F11: variants seen among roughly 807,000 people sequenced by gnomAD.
F11 encodes coagulation factor XI.
Under a neutral mutation model 76.5 loss-of-function variants are expected in F11, and 78 were observed. That is an observed-to-expected ratio of 1.02 (90% CI 0.85 to 1.23). F11 has a LOEUF of 1.23. Among genes scored for constraint, F11 ranks in the 50% most tolerant of loss-of-function variants. The probability of loss-of-function intolerance (pLI) is 0.00; values close to 1 mark genes in which losing one functional copy is unlikely to be tolerated. For synonymous variants in F11, 278 were observed against 276.3 expected, an observed-to-expected ratio of 1.01 and a Z score of -0.06; for missense variants, 742 against 771.4, an observed-to-expected ratio of 0.96 and a Z score of 0.45.
chr4:186,288,795 A>G lies in F11; in HGVS notation c.*181A>G, dbSNP rs559842894. 127 of 679,126 alleles carry G rather than the reference A, an allele frequency of 1.9e-4. No homozygotes were observed. The highest frequency in any genetic ancestry group is 1.5e-3 in the African/African-American group (86 of 56,252). 42.1% of individuals were successfully genotyped at this position (679,126 alleles called of 1,614,324 possible). On this transcript the variant is annotated 3_prime_UTR_variant, in exon 15 of 15. Transcript: ENST00000403665. The stretch of plus-strand genomic sequence containing the variant: ...TTGTTATGTCCAAAACTCCCGTTCT[A>G]TGATCGTTGTAGTTTGTTTGAGCAT...
At chr4:186,275,763 C>T (rs747253590) in intron 5 of F11, 24 bp from the exon 6 acceptor site, 2 of 1,541,390 alleles carry the variant, frequency 1.3e-6, no homozygotes, top group African/African-American at 1.4e-5. Flanking sequence ...GAATAAGACA[C>T]TTTTCCTTTT....
chr4:186,286,798 A>C, intron 13 of F11: 3 of 812,028 alleles, frequency 3.7e-6, no homozygotes, highest in Non-Finnish European at 4.5e-6. Flanking sequence ...CTATCCAATT[A>C]CTTTCTTGGG....
Position 186,280,057 on chromosome 4 carries a change from A to T in F11, c.801A>T (p.Thr267=), listed in dbSNP as rs5974. The T allele has an allele frequency of 4.3e-6, 7 of 1,613,980 alleles. No homozygotes were observed. Among genetic ancestry groups the T allele is most frequent in the Non-Finnish European group, 5.9e-6 (7 of 1,179,942 alleles). ...LKTSESGLPS[T]RIKKSKALSG... The stretch of plus-strand genomic sequence containing the variant: ...CATCTGAGAGTGGATTGCCCAGTAC[A>T]CGCATTAAAAAGAGCAAAGCTCTTT... Residue 267 remains threonine, a synonymous_variant, in exon 8 of 15, where the codon ACA becomes ACT. Transcript: ENST00000403665.
intron 7 of F11, among the ~76,000 whole-genome samples, chr4:186,279,536 C>T (rs1740626644): frequency 6.6e-6 from 1 of 152,178 alleles, no homozygotes; most frequent in African/African-American, 2.4e-5. Flanking sequence ...GATCTATGGA[C>T]AGTCTTGCTC....
In F11 at chr4:186,273,054, A is replaced by AT. The variant is rs1483932983; in HGVS notation, c.219-11dup. 6 of 1,525,606 alleles carry AT rather than the reference A, an allele frequency of 3.9e-6. No individual in the cohort carries two copies. Among genetic ancestry groups the AT allele is most frequent in the African/African-American group, 2.8e-5 (2 of 72,534 alleles). The allele number at this position is 1,525,606 out of a possible 1,614,324, so 94.5% of individuals were successfully genotyped here. A position where few individuals can be genotyped will look rare whatever the true frequency, so the allele number is the denominator to read the frequency against. On this transcript the variant is annotated splice_polypyrimidine_tract_variant and intron_variant, in intron 3 of 14. Coordinates refer to ENST00000403665, the MANE Select transcript of F11 (RefSeq NM_000128.4). Reference sequence around the variant, plus strand: ...CATAAATTCCTATTCATTAATATGTATTTTTTAAAAAAACAGGTTTACTTG... The same window carrying AT: ...CATAAATTCCTATTCATTAATATGTATTTTTTTAAAAAAACAGGTTTACTTG...
chr4:186,281,101 C>T (rs4253847), intron 10 of F11, among the ~76,000 whole-genome samples: 4,514 of 152,158 alleles, frequency 0.03, 214 homozygotes, highest in African/African-American at 0.1. Flanking sequence ...AAGCAATCCT[C>T]CCGCTTTGGC....
chr4:186,275,696 C>T (rs1054402231), intron 5 of F11, 91 bp from the exon 6 acceptor site: 2 of 939,938 alleles, frequency 2.1e-6, no homozygotes, highest in Non-Finnish European at 3.3e-6. Context: ...CTCGCAGGTC[C>T]TCTCTCCAAA....
At chr4:186,279,125 C>T (rs1330305765) in intron 7 of F11, among the ~76,000 whole-genome samples, 1 of 152,196 alleles carries the variant, frequency 6.6e-6, no homozygotes, top group Non-Finnish European at 1.5e-5. Flanking sequence ...TGGCTCACGC[C>T]TGTAATCCCA....
Position 186,288,987 on chromosome 4 carries a change from C to T in F11, c.*373C>T, listed in dbSNP as rs556731181. 2 of 271,874 alleles carry T rather than the reference C, an allele frequency of 7.4e-6. No individual in the cohort carries two copies. Among genetic ancestry groups the T allele is most frequent in the Non-Finnish European group, 1.4e-5 (2 of 139,096 alleles). The allele number at this position is 271,874 out of a possible 1,614,324, so 16.8% of individuals were successfully genotyped here. A position where few individuals can be genotyped will look rare whatever the true frequency, so the allele number is the denominator to read the frequency against. On this transcript the variant is annotated 3_prime_UTR_variant, in exon 15 of 15. Transcript: ENST00000403665. Reference sequence around the variant, plus strand: ...AGAAGCCACCATAAATAGATTTGTTCGATGAAAGATGAAAACTGGAAGAAA... The same window carrying T: ...AGAAGCCACCATAAATAGATTTGTTTGATGAAAGATGAAAACTGGAAGAAA...
In F11 at chr4:186,280,572, T is replaced by C. The variant is rs1226426769; in HGVS notation, c.1127T>C (p.Met376Thr). 14 of 1,609,436 alleles carry C rather than the reference T, an allele frequency of 8.7e-6. No homozygotes were observed. Among genetic ancestry groups the C allele is most frequent in the Admixed American group, 3.3e-5 (2 of 60,018 alleles). Residue 376 changes from methionine to threonine, a missense_variant, in exon 10 of 15, where the codon ATG becomes ACG. Transcript: ENST00000403665. ...GGATACACATTAAGGTTGTGTAAAATGGATAATGGTGAGTATAATGTCACT... is the reference window on the plus strand; with the variant it reads ...GGATACACATTAAGGTTGTGTAAAACGGATAATGGTGAGTATAATGTCACT... ...ISGYTLRLCK[M>T]DNECTTKIKP... is the part of the protein sequence containing the mutation.
chr4:186,277,215 G>T (rs1421060278), intron 7 of F11, among the ~76,000 whole-genome samples: 1 of 152,128 alleles, frequency 6.6e-6, no homozygotes, highest in African/African-American at 2.4e-5. Context: ...TTCTATCCAT[G>T]TTGCTGCAAA....
chr4:186,269,071 A>G (rs1250990324), intron 2 of F11, among the ~76,000 whole-genome samples: 1 of 152,220 alleles, frequency 6.6e-6, no homozygotes, highest in Non-Finnish European at 1.5e-5. Context: ...CAGGTCTTTT[A>G]TCTTATGAAC....
rs770081626 is a variant in F11, at chr4:186,280,539, G to A, written c.1094G>A (p.Gly365Asp). The A allele has an allele frequency of 1.2e-6, 2 of 1,614,128 alleles. No individual in the cohort carries two copies. Among genetic ancestry groups the A allele is most frequent in the Non-Finnish European group, 1.7e-6 (2 of 1,180,000 alleles). Residue 365 changes from glycine to aspartate, a missense_variant, in exon 10 of 15, where the codon GGC becomes GAC. Physicochemically the swap from Gly to Asp is moderately conservative, Grantham distance 94. Coordinates refer to ENST00000403665, the MANE Select transcript of F11 (RefSeq NM_000128.4). ...SPTKILHGRG[G>D]ISGYTLRLCK... is the part of the protein sequence containing the mutation. ...ACTAAAATACTTCACGGGAGAGGAG[G>A]CATCTCTGGATACACATTAAGGTTG...
chr4:186,282,870 T>C lies in F11; in HGVS notation c.1136-1222T>C, dbSNP rs552958160. On this transcript the variant is annotated intron_variant, in intron 10 of 14. Coordinates refer to ENST00000403665, the MANE Select transcript of F11 (RefSeq NM_000128.4). ...TCTCATCCTCTCCTCCTATTTGAAA[T>C]CTGCCCCAGAATTATACACTCATTT... 22 of 985,268 alleles carry C rather than the reference T, an allele frequency of 2.2e-5. No individual in the cohort carries two copies. The East Asian group carries it at 1.8e-3, about 81-fold the overall frequency. 61.0% of individuals were successfully genotyped at this position (985,268 alleles called of 1,614,324 possible).
chr4:186,274,297 C>G (rs775685876), intron 5 of F11, 22 bp downstream of exon 5: 50 of 1,613,962 alleles, frequency 3.1e-5, no homozygotes, highest in Non-Finnish European at 4.0e-5. Context: ...CCAGGACATT[C>G]GAGTGGTCGA....
Position 186,274,877 on chromosome 4 carries a change from T to A in F11, c.485+602T>A, listed in dbSNP as rs528225855. The A allele has an allele frequency of 6.9e-4, 120 of 173,358 alleles. No homozygotes were observed. In the South Asian group the frequency reaches 8.1e-3, roughly 12 times the overall value. The allele number at this position is 173,358 out of a possible 1,614,324, so 10.7% of individuals were successfully genotyped here. ...GATGATTTAGATTTTCATAGTAAAC[T>A]GCATTTATCTGGAATCAACAGAAAA... On this transcript the variant is annotated intron_variant, in intron 5 of 14. Coordinates refer to ENST00000403665, the MANE Select transcript of F11 (RefSeq NM_000128.4).
intron 12 of F11, 95 bp from the exon 13 acceptor site, chr4:186,286,316 CAAAG>C: frequency 1.7e-6 from 2 of 1,169,198 alleles, no homozygotes; most frequent in Non-Finnish European, 2.5e-6. Flanking sequence ...ATATAGTAAA[CAAAG>C]AAAACACAGA....
chr4:186,273,216 A>C, intron 4 of F11, 39 bp downstream of exon 4: 1 of 1,434,218 alleles, frequency 7.0e-7, no homozygotes, highest in South Asian at 1.1e-5. Flanking sequence ...ACCAGCTGTG[A>C]TGTACACATA....
At chr4:186,284,359 G>T (rs1741025510) in intron 11 of F11, 99 bp downstream of exon 11, 2 of 1,213,454 alleles carry the variant, frequency 1.6e-6, no homozygotes, top group Admixed American at 2.1e-5. Flanking sequence ...CAATTAGATT[G>T]TCTTATTTGC....
Sources: gnomAD v4.1 joint callset for allele counts (sites outside exome capture counted in the v4.1 genomes callset) on GRCh38, gnomAD v4.1.1 for gene constraint, MANE v1.5 for transcripts, NCBI Gene and HGNC (gene_info 2026-07-23, HGNC 2026-07-21) for gene names.